The following ENTREP2 variants were observed in gnomAD, a reference collection of about 807,000 sequenced individuals.
ENTREP2 encodes the protein endosomal transmembrane epsin interactor 2, also known as protein ENTREP2.
chr15:29,459,057 T>C, the ENTREP2 span, among the ~76,000 whole-genome samples: 1 of 152,096 alleles, frequency 6.6e-6, no homozygotes, highest in South Asian at 2.1e-4. Flanking sequence ...CCACACAGGG[T>C]TGACAAGGGA....
the ENTREP2 span, among the ~76,000 whole-genome samples, chr15:29,587,791 T>A: frequency 6.6e-6 from 1 of 152,080 alleles, no homozygotes; most frequent in South Asian, 2.1e-4. Context: ...CCCGAGTAGC[T>A]GGGACTACAG....
the ENTREP2 span, among the ~76,000 whole-genome samples, chr15:29,589,783 A>G: frequency 6.6e-6 from 1 of 152,180 alleles, no homozygotes. Flanking sequence ...GCTTGGAATC[A>G]AGACACCTGG....
chr15:29,587,951 G>A, the ENTREP2 span, among the ~76,000 whole-genome samples: 28 of 152,250 alleles, frequency 1.8e-4, no homozygotes, highest in East Asian at 4.8e-3. Flanking sequence ...GAGCCACCAC[G>A]CCCGGCTGGA....
the ENTREP2 span, among the ~76,000 whole-genome samples, chr15:29,217,471 C>T: frequency 6.6e-6 from 1 of 152,034 alleles, no homozygotes; most frequent in Admixed American, 6.6e-5. Flanking sequence ...TTTTCTTTAT[C>T]TTTGTTGGAT....
chr15:29,411,622 T>C, the ENTREP2 span, among the ~76,000 whole-genome samples: 5 of 152,202 alleles, frequency 3.3e-5, no homozygotes, highest in Non-Finnish European at 7.3e-5. Context: ...CCAGTTGTGT[T>C]TTTGCTTTCT....
the ENTREP2 span, among the ~76,000 whole-genome samples, chr15:29,443,391 C>T: frequency 6.6e-6 from 1 of 152,144 alleles, no homozygotes; most frequent in Non-Finnish European, 1.5e-5. Context: ...TTCCAAAACA[C>T]CAGAAATCCA....
chr15:29,653,164 A>G, the ENTREP2 span, among the ~76,000 whole-genome samples: 4 of 152,168 alleles, frequency 2.6e-5, no homozygotes. Context: ...AACAAAACAA[A>G]AAACTCCAGA....
At chr15:29,341,361 T>C in the ENTREP2 span, among the ~76,000 whole-genome samples, 1 of 152,222 alleles carries the variant, frequency 6.6e-6, no homozygotes, top group South Asian at 2.1e-4. Context: ...GGGCAGGCCC[T>C]CTTGTCTCAG....
the ENTREP2 span, among the ~76,000 whole-genome samples, chr15:29,508,320 A>T: frequency 3.3e-5 from 5 of 152,242 alleles, no homozygotes; most frequent in African/African-American, 1.2e-4. Flanking sequence ...TACCAGAGGC[A>T]CAAAGAGGAG....
chr15:29,301,285 A>G, the ENTREP2 span, among the ~76,000 whole-genome samples: 1 of 152,234 alleles, frequency 6.6e-6, no homozygotes, highest in South Asian at 2.1e-4. Context: ...GCTAGTTTTT[A>G]AGGACTTCCT....
At chr15:29,369,562 T>A in the ENTREP2 span, among the ~76,000 whole-genome samples, 2 of 151,590 alleles carry the variant, frequency 1.3e-5, no homozygotes, top group Non-Finnish European at 2.9e-5. Context: ...CTAAAACAAA[T>A]AGTAAAGGAA....
the ENTREP2 span, among the ~76,000 whole-genome samples, chr15:29,217,160 G>T: frequency 4.6e-5 from 7 of 152,174 alleles, no homozygotes; most frequent in Admixed American, 3.3e-4. Flanking sequence ...ATCAATCAGA[G>T]GAATTCCTAG....
At chr15:29,477,068 T>A in the ENTREP2 span, among the ~76,000 whole-genome samples, 9 of 152,178 alleles carry the variant, frequency 5.9e-5, no homozygotes, top group African/African-American at 2.2e-4. Context: ...AAGAGAGCAC[T>A]CTACAGCAAT....
chr15:29,254,761 G>A, the ENTREP2 span, among the ~76,000 whole-genome samples: 163 of 152,264 alleles, frequency 1.1e-3, no homozygotes, highest in African/African-American at 3.8e-3. Context: ...GGAGCCTGAG[G>A]CAGGAGAATT....
chr15:29,310,283 T>C, the ENTREP2 span, among the ~76,000 whole-genome samples: 1 of 152,144 alleles, frequency 6.6e-6, no homozygotes, highest in Non-Finnish European at 1.5e-5. Context: ...TGGGTGCAGG[T>C]AGTTCTAGGA....
At chr15:29,332,493 G>C in the ENTREP2 span, among the ~76,000 whole-genome samples, 293 of 152,226 alleles carry the variant, frequency 1.9e-3, 2 homozygotes, top group African/African-American at 6.5e-3. Context: ...TTCCTGAAGG[G>C]AAGAAAATAG....
chr15:29,181,142 C>A, the ENTREP2 span, among the ~76,000 whole-genome samples: 1 of 152,022 alleles, frequency 6.6e-6, no homozygotes, highest in African/African-American at 2.4e-5. Context: ...ATAGCATATA[C>A]ATGAATTTGA....
chr15:29,404,338 AC>A, the ENTREP2 span, among the ~76,000 whole-genome samples: 2 of 150,738 alleles, frequency 1.3e-5, no homozygotes, highest in African/African-American at 2.4e-5. Context: ...CATGAAGGGA[AC>A]CCCCCCATCT....
the ENTREP2 span, among the ~76,000 whole-genome samples, chr15:29,253,452 C>CTTT: frequency 2.5e-4 from 36 of 142,622 alleles, no homozygotes; most frequent in Non-Finnish European, 3.2e-4. Context: ...GTCTCTCTCT[C>CTTT]TTTTTTTTTT....
Sources: gnomAD v4.1 joint callset for allele counts (sites outside exome capture counted in the v4.1 genomes callset) on GRCh38, gnomAD v4.1.1 for gene constraint, MANE v1.5 for transcripts, NCBI Gene and HGNC (gene_info 2026-07-23, HGNC 2026-07-21) for gene names.